LRWD1: variants seen among roughly 807,000 people sequenced by gnomAD.
LRWD1 encodes leucine rich repeats and WD repeat domain containing 1.
A neutral mutation model predicts 75.6 loss-of-function variants in LRWD1; 76 were observed. The ratio of observed to expected loss-of-function variants is 1.01; its 90% CI spans 0.84 to 1.22. LRWD1 has a LOEUF of 1.22. LRWD1 is among the 50% of genes most tolerant of loss of function. The pLI is 0.00. For synonymous variants in LRWD1, 487 were observed against 377.0 expected (o/e 1.29, Z -3.38); for missense variants, 917 against 862.0 (o/e 1.06, Z -0.80).
rs141694543 is a variant in LRWD1 at position 102,473,004 on chromosome 7, C to T, written c.1899C>T (p.Thr633=). ...VVANASFTYL[T]ALTDSNIVAI... The stretch of plus-strand genomic sequence containing the variant: ...CCAATGCCTCCTTCACCTACCTCAC[C>T]GCCCTGACGGACTCCAACATCGTAG... Residue 633 remains threonine (T), a synonymous_variant, in exon 15 of 15, where the codon ACC becomes ACT. Transcript: ENST00000292616. The T allele has an allele frequency of 1.9e-4, 306 of 1,614,116 alleles. 3 individuals carry two copies. Among genetic ancestry groups the T allele is most frequent in the South Asian group, 1.1e-3 (98 of 91,084 alleles).
chr7:102,472,367 G>A, intron 12 of LRWD1, 58 bp downstream of exon 12: 2 of 1,552,074 alleles, frequency 1.3e-6, no homozygotes, highest in Non-Finnish European at 8.7e-7. Flanking sequence ...TGGACCGCTT[G>A]TCCCTGGGCT....
rs376560819 is a variant in LRWD1, at chr7:102,468,973, G to T, written c.1139G>T (p.Arg380Leu). Residue 380 changes from arginine (R) to leucine (L), a missense_variant, in exon 9 of 15, where the codon CGT becomes CTT. Arg to Leu is a moderately radical substitution (Grantham distance 102). Coordinates refer to ENST00000292616, the MANE Select transcript of LRWD1 (RefSeq NM_152892.3). ...GGCCTGGTCCGGCTGCTGCACGTGC[G>T]TGCCGGCTTCTGCTGCGGGGTCATC... ...LRGLVRLLHV[R>L]AGFCCGVIRA... 6.2e-7 allele frequency: 1 copy of T among 1,612,618 alleles called. No individual in the cohort carries two copies. Among genetic ancestry groups the T allele is most frequent in the Non-Finnish European group, 8.5e-7 (1 of 1,179,830 alleles).
At position 102,467,792 on chromosome 7, in the gene LRWD1, C is replaced by T; in HGVS notation, c.647C>T (p.Pro216Leu). 1 of 1,551,138 alleles carries T rather than the reference C, an allele frequency of 6.4e-7. No homozygotes were observed. Among genetic ancestry groups the T allele is most frequent in the South Asian group, 1.2e-5 (1 of 84,046 alleles). ...CAAAAGGCTAACAGCCCAGAGAAGC[C>T]CCCAGAAGCTGGAGCTGCCCACAAG... The part of the protein sequence containing the change: ...QVQKANSPEK[P>L]PEAGAAHKPR... The change falls in exon 5 of 15, where the codon CCC (proline) becomes CTC (leucine). Residue 216 changes from proline to leucine, a missense_variant. Pro to Leu is a moderately conservative substitution (Grantham distance 98, BLOSUM62 -3). Transcript: ENST00000292616.
chr7:102,466,336 G>A, intron 3 of LRWD1, 66 bp downstream of exon 3: 1 of 1,330,974 alleles, frequency 7.5e-7, no homozygotes, highest in Non-Finnish European at 1.1e-6. Flanking sequence ...TGATAGAATT[G>A]GACATCAGGA....
rs755451370 is a variant in LRWD1, at chr7:102,469,045, A to G, written c.1211A>G (p.His404Arg). 1.2e-6 allele frequency: 2 copies of G among 1,607,342 alleles called. No individual in the cohort carries two copies. The highest frequency in any genetic ancestry group is 1.3e-5 in the African/African-American group (1 of 74,576). The change falls in exon 9 of 15, where the codon CAC (histidine) becomes CGC (arginine). Residue 404 changes from histidine (H) to arginine (R), a missense_variant. By Grantham distance (29) the His-to-Arg change is conservative (BLOSUM62 0). Coordinates refer to ENST00000292616, the MANE Select transcript of LRWD1 (RefSeq NM_152892.3). ...AIATLCFSPA[H>R]ETHLFTASYD... ...GCCACCCTGTGCTTCAGCCCCGCCC[A>G]CGAGACCCATCTCTTCAGTAAGCCC...
chr7:102,467,478 G>A lies in LRWD1; in HGVS notation c.572G>A (p.Arg191Gln), dbSNP rs768147449. The change falls in exon 4 of 15, where the codon CGG becomes CAG. Residue 191 changes from arginine (R) to glutamine (Q), a missense_variant and splice_region_variant. Transcript: ENST00000292616. Reference sequence around the variant, plus strand: ...TCCCTCAGCGAGTTCACCCAGTGGCGGGTATGTCCCTGTCCCAATGTGCAG... The same window carrying A: ...TCCCTCAGCGAGTTCACCCAGTGGCAGGTATGTCCCTGTCCCAATGTGCAG... ...PESLSEFTQW[R>Q]VRMISEELVA... is the part of the protein sequence containing the mutation. The A allele has an allele frequency of 7.4e-6, 12 of 1,612,570 alleles. No homozygotes were observed. Among genetic ancestry groups the A allele is most frequent in the East Asian group, 6.7e-5 (3 of 44,858 alleles).
At chr7:102,472,831 C>T in intron 14 of LRWD1, 27 bp downstream of exon 14, 1 of 1,612,484 alleles carries the variant, frequency 6.2e-7, no homozygotes, top group Non-Finnish European at 8.5e-7. Flanking sequence ...CCTGCCCAGG[C>T]TTGGGCTGGC....
In LRWD1 at chr7:102,466,273, A is replaced by G. The variant is rs781558593; in HGVS notation, c.432+3A>G. The G allele has an allele frequency of 6.2e-7, 1 of 1,609,496 alleles. No homozygotes were observed. Among genetic ancestry groups the G allele is most frequent in the Non-Finnish European group, 8.5e-7 (1 of 1,175,946 alleles). ...TGAATCGGGAGCTGACCAGCAGGGTAAGGGGATGAGAGGATTATTGTGTGC... is the reference window on the plus strand; with the variant it reads ...TGAATCGGGAGCTGACCAGCAGGGTGAGGGGATGAGAGGATTATTGTGTGC... On this transcript the variant is annotated splice_donor_region_variant and intron_variant, in intron 3 of 14. Coordinates refer to ENST00000292616, the MANE Select transcript of LRWD1 (RefSeq NM_152892.3).
In LRWD1 at chr7:102,472,780, G is replaced by C. The variant is rs151081844; in HGVS notation, c.1779G>C (p.Pro593=). ...TCCTGAAGCAGCCACCCCTGCTGCC[G>C]GCAGCCCTGCAGGCCCCCACACAGG... is the stretch of plus-strand genomic sequence containing the variant. The part of the protein sequence containing the change: ...SNILKQPPLL[P]AALQAPTQIL... The change falls in exon 14 of 15, where the codon CCG becomes CCC. Residue 593 remains proline (P), a synonymous_variant. Transcript: ENST00000292616. The C allele has an allele frequency of 3.1e-6, 5 of 1,613,250 alleles. No homozygotes were observed. The African/African-American group carries it at 6.7e-5, about 22-fold the overall frequency.
rs1003054432 is a variant in LRWD1, at chr7:102,467,718, G to T, written c.574-1G>T. 18 of 1,551,548 alleles carry T rather than the reference G, an allele frequency of 1.2e-5. No individual in the cohort carries two copies. The highest frequency in any genetic ancestry group is 1.6e-5 in the Non-Finnish European group (18 of 1,147,000). ...CTTCCTGATGGCCTGGCCCCACCCA[G>T]GTGCGGATGATCTCTGAGGAGCTGG... On this transcript the variant is annotated splice_acceptor_variant, in intron 4 of 14. Transcript: ENST00000292616. LOFTEE classifies it high-confidence loss of function.
intron 1 of LRWD1, 79 bp downstream of exon 1, chr7:102,465,239 C>A: frequency 2.4e-6 from 3 of 1,266,898 alleles, no homozygotes; most frequent in Admixed American, 4.0e-5. Flanking sequence ...TCCCCAACGG[C>A]CCGCTTGTCC....
At chr7:102,471,320 G>A (rs1315811068) in intron 11 of LRWD1, 1 of 154,258 alleles carries the variant, frequency 6.5e-6, no homozygotes, top group Admixed American at 6.5e-5. Flanking sequence ...ACCCACCTCA[G>A]CCTCCCAAAG....
intron 1 of LRWD1, 197 bp from the exon 2 acceptor site, chr7:102,465,620 A>C (rs1334202429): frequency 2.0e-6 from 1 of 501,494 alleles, no homozygotes; most frequent in Non-Finnish European, 3.6e-6. Context: ...CAGGAGTTGG[A>C]GGCAGCTGTG....
chr7:102,467,215 T>TGTGTGTGTGTGTG (rs59898461), intron 3 of LRWD1, 124 bp from the exon 4 acceptor site: 6 of 878,840 alleles, frequency 6.8e-6, no homozygotes, highest in East Asian at 2.8e-5. Context: ...TGTGTGTGTG[T>TGTGTGTGTGTGTG]TTTATGAGGC....
chr7:102,472,364 C>A, intron 12 of LRWD1, 55 bp downstream of exon 12: 2 of 1,552,114 alleles, frequency 1.3e-6, no homozygotes. Flanking sequence ...AGATGGACCG[C>A]TTGTCCCTGG....
At chr7:102,466,119 T>C in intron 2 of LRWD1, 35 bp from the exon 3 acceptor site, 1 of 1,610,780 alleles carries the variant, frequency 6.2e-7, no homozygotes, top group Middle Eastern at 1.7e-4. Context: ...GCTCAGCATC[T>C]CCTGAGCCAC....
intron 8 of LRWD1, 38 bp from the exon 9 acceptor site, chr7:102,468,817 C>T (rs1360955458): frequency 1.2e-6 from 2 of 1,600,618 alleles, no homozygotes; most frequent in South Asian, 2.2e-5. Context: ...ACACCAATAG[C>T]TCTGCCCCAG....
Position 102,468,181 on chromosome 7 carries a change from C to T in LRWD1, c.798C>T (p.Gly266=). 6.2e-7 allele frequency: 1 copy of T among 1,605,388 alleles called. No individual in the cohort carries two copies. The highest frequency in any genetic ancestry group is 8.5e-7 in the Non-Finnish European group (1 of 1,177,144). The change falls in exon 6 of 15, where the codon GGC becomes GGT. Residue 266 remains glycine (G), a synonymous_variant. Coordinates refer to ENST00000292616, the MANE Select transcript of LRWD1 (RefSeq NM_152892.3). The stretch of plus-strand genomic sequence containing the variant: ...GCAGCCCTGTGGCAGGCTCCGATGG[C>T]AGCCAGGTGAGCTGAGGTGGCAAGG... ...VEGSPVAGSD[G]SQPAVKLEPL...
intron 5 of LRWD1, 86 bp downstream of exon 5, chr7:102,467,909 G>A: frequency 6.7e-7 from 1 of 1,503,160 alleles, no homozygotes; most frequent in Non-Finnish European, 8.9e-7. Context: ...CTGGGCATGT[G>A]CCCAGGAAGC....
Sources: gnomAD v4.1 joint callset for allele counts on GRCh38, gnomAD v4.1.1 for gene constraint, MANE v1.5 for transcripts, NCBI Gene and HGNC (gene_info 2026-07-23, HGNC 2026-07-21) for gene names.